ADGRB3: variants seen among roughly 807,000 people sequenced by gnomAD.
ADGRB3 encodes adhesion G protein-coupled receptor B3.
Under a neutral mutation model 193.4 loss-of-function variants are expected in ADGRB3, and 37 were observed. That is an observed-to-expected ratio of 0.19 (90% CI 0.15 to 0.25). The LOEUF is 0.25. ADGRB3 is among the 10% of genes least tolerant of loss of function. The probability of loss-of-function intolerance (pLI) is 1.00; values close to 1 mark genes in which losing one functional copy is unlikely to be tolerated. For synonymous variants in ADGRB3, 690 were observed against 644.2 expected, an observed-to-expected ratio of 1.07 and a Z score of -1.08; for missense variants, 1,637 against 1,852.9, an observed-to-expected ratio of 0.88 and a Z score of 2.14.
intron 3 of ADGRB3, among the ~76,000 whole-genome samples, chr6:68,878,116 A>G (rs1765639958): frequency 6.6e-6 from 1 of 151,812 alleles, no homozygotes; most frequent in African/African-American, 2.4e-5. Context: ...ACTTTCTTTT[A>G]TTTTTCTCTA....
At chr6:68,744,870 A>T (rs1766052582) in intron 3 of ADGRB3, among the ~76,000 whole-genome samples, 1 of 152,216 alleles carries the variant, frequency 6.6e-6, no homozygotes, top group Non-Finnish European at 1.5e-5. Context: ...CATGTACCCC[A>T]GAACTTGAAG....
At chr6:68,866,678 A>G (rs1765304998) in intron 3 of ADGRB3, among the ~76,000 whole-genome samples, 1 of 152,184 alleles carries the variant, frequency 6.6e-6, no homozygotes, top group African/African-American at 2.4e-5. Flanking sequence ...AAATGCTAAT[A>G]ATGGTATGGA....
chr6:68,771,383 TATACAC>T lies in ADGRB3; in HGVS notation c.757+131953_757+131958del, dbSNP rs749437450. Among the ~76,000 whole-genome samples the T allele has an allele frequency of 5.6e-3, 381 of 68,010 alleles. 3 individuals are homozygous for T. Among genetic ancestry groups the T allele is most frequent in the African/African-American group, 0.02 (364 of 18,014 alleles). 44.6% of individuals were successfully genotyped at this position (68,010 alleles called of 152,430 possible). A position where few individuals can be genotyped will look rare whatever the true frequency, so the allele number is the denominator to read the frequency against. On this transcript the variant is annotated intron_variant, in intron 3 of 31. Coordinates refer to ENST00000370598, the MANE Select transcript of ADGRB3 (RefSeq NM_001704.3). ...ACCATGCTATGTGTGCTAGGGAATA[TATACAC>T]ACACACACACACACACACACACATA...
intron 11 of ADGRB3, among the ~76,000 whole-genome samples, chr6:68,995,620 C>G (rs1328433233): frequency 1.3e-5 from 2 of 152,200 alleles, no homozygotes; most frequent in East Asian, 1.9e-4. Context: ...AGGTTTCTCT[C>G]TTTCCATCCT....
At chr6:69,377,406 G>C (rs1453646201) in intron 30 of ADGRB3, among the ~76,000 whole-genome samples, 1 of 152,048 alleles carries the variant, frequency 6.6e-6, no homozygotes, top group South Asian at 2.1e-4. Context: ...TTGGATCATA[G>C]TAAGTAGAAC....
intron 6 of ADGRB3, among the ~76,000 whole-genome samples, chr6:68,953,442 C>G (rs543813711): frequency 1.3e-4 from 20 of 152,100 alleles, no homozygotes; most frequent in Admixed American, 6.5e-4. Context: ...TTTTATAAAC[C>G]CTTCTCAGAA....
chr6:69,220,122 G>C (rs1355650583), intron 17 of ADGRB3, among the ~76,000 whole-genome samples: 2 of 151,846 alleles, frequency 1.3e-5, no homozygotes, highest in African/African-American at 4.8e-5. Flanking sequence ...TTTTCTCTGA[G>C]AATAAAAGTT....
chr6:69,031,237 G>A (rs1389657901), intron 13 of ADGRB3, among the ~76,000 whole-genome samples: 1 of 150,934 alleles, frequency 6.6e-6, no homozygotes, highest in East Asian at 2.0e-4. Context: ...TCAGGAGATC[G>A]AGACCATCCT....
At chr6:68,833,958 G>GT (rs11438870) in intron 3 of ADGRB3, among the ~76,000 whole-genome samples, 60,690 of 148,294 alleles carry the variant, frequency 0.41, 13,605 homozygotes, top group African/African-American at 0.58. Context: ...ATACAGGAAG[G>GT]TTTTTTTTTT....
chr6:69,182,100 T>C (rs1476346886), intron 17 of ADGRB3, among the ~76,000 whole-genome samples: 2 of 152,168 alleles, frequency 1.3e-5, no homozygotes, highest in South Asian at 2.1e-4. Flanking sequence ...CAACAAAGAC[T>C]GAAAATGGAA....
intron 3 of ADGRB3, among the ~76,000 whole-genome samples, chr6:68,758,470 G>A (rs574456235): frequency 7.2e-5 from 11 of 152,062 alleles, no homozygotes; most frequent in Non-Finnish European, 1.2e-4. Context: ...AAGTTTCATT[G>A]TGTCCCTTTC....
intron 10 of ADGRB3, among the ~76,000 whole-genome samples, chr6:68,979,493 G>GT (rs1014240901): frequency 2.0e-5 from 3 of 151,334 alleles, no homozygotes; most frequent in African/African-American, 4.8e-5. Context: ...TATCAATGTT[G>GT]TTTTTTAAAA....
intron 3 of ADGRB3, among the ~76,000 whole-genome samples, chr6:68,699,561 A>G (rs1403996381): frequency 2.0e-5 from 3 of 151,880 alleles, no homozygotes; most frequent in Non-Finnish European, 2.9e-5. Flanking sequence ...CTACTCAGAC[A>G]ATCTCTTCTT....
intron 11 of ADGRB3, 114 bp downstream of exon 11, chr6:68,994,076 C>CATAACTAAGAT (rs1384609878): frequency 9.5e-6 from 3 of 316,654 alleles, no homozygotes; most frequent in Non-Finnish European, 1.8e-5. Context: ...AATGCTCATC[C>CATAACTAAGAT]AAGTTATGCT....
At chr6:68,668,617 G>A (rs1301712221) in intron 3 of ADGRB3, among the ~76,000 whole-genome samples, 2 of 151,936 alleles carry the variant, frequency 1.3e-5, no homozygotes, top group South Asian at 2.1e-4. Context: ...GAAAGATGGT[G>A]TTTATTCTCT....
chr6:69,133,275 T>C (rs2150334954), intron 17 of ADGRB3, among the ~76,000 whole-genome samples: 1 of 152,276 alleles, frequency 6.6e-6, no homozygotes, highest in African/African-American at 2.4e-5. Flanking sequence ...GTTTTTCCAT[T>C]TATTTGTGTC....
chr6:68,736,638 C>A (rs1238916683), intron 3 of ADGRB3, among the ~76,000 whole-genome samples: 1 of 152,008 alleles, frequency 6.6e-6, no homozygotes, highest in Non-Finnish European at 1.5e-5. Flanking sequence ...GACTTGTGCA[C>A]TTAGAGATGA....
chr6:68,855,498 T>G (rs11967772), intron 3 of ADGRB3, among the ~76,000 whole-genome samples: 62,236 of 151,586 alleles, frequency 0.41, 14,108 homozygotes, highest in African/African-American at 0.59. Flanking sequence ...ATTTATACTG[T>G]TATATAATAT....
intron 3 of ADGRB3, among the ~76,000 whole-genome samples, chr6:68,676,971 G>A (rs1038485580): frequency 2.0e-5 from 3 of 152,110 alleles, no homozygotes; most frequent in African/African-American, 7.2e-5. Flanking sequence ...AGTTACTCAG[G>A]AGCCAGCCAT....
Sources: gnomAD v4.1 joint callset for allele counts (sites outside exome capture counted in the v4.1 genomes callset) on GRCh38, gnomAD v4.1.1 for gene constraint, MANE v1.5 for transcripts, NCBI Gene and HGNC (gene_info 2026-07-23, HGNC 2026-07-21) for gene names.